The following OBSL1 variants were observed in gnomAD, a reference collection of about 807,000 sequenced individuals.
OBSL1 encodes the protein obscurin like cytoskeletal adaptor 1.
Under a neutral mutation model 172.0 loss-of-function variants are expected in OBSL1, and 160 were observed. That is an observed-to-expected ratio of 0.93 (90% CI 0.82 to 1.06). The LOEUF is 1.06. OBSL1 is among the 50% of genes least tolerant of loss of function. OBSL1 has a pLI of 0.00. For synonymous variants in OBSL1, 1,200 were observed against 1,196.3 expected (o/e 1.00, Z -0.06); for missense variants, 2,681 against 2,715.4 (o/e 0.99, Z 0.28).
Position 219,562,899 on chromosome 2 carries a change from G to A in OBSL1, c.2681-225C>T. 3 of 582,502 alleles carry A rather than the reference G, an allele frequency of 5.2e-6. No individual in the cohort carries two copies. The Admixed American group carries it at 9.1e-5, about 18-fold the overall frequency. 36.1% of individuals were successfully genotyped at this position (582,502 alleles called of 1,614,324 possible). On this transcript the variant is annotated intron_variant, in intron 7 of 20. Transcript: ENST00000404537. ...TGCTGCGCAGGAGCTGCACAGAGGGGACCACGGGGTCAGCCTCGGCTGTAG... is the reference window on the plus strand; with the variant it reads ...TGCTGCGCAGGAGCTGCACAGAGGGAACCACGGGGTCAGCCTCGGCTGTAG...
intron 9 of OBSL1, 113 bp from the exon 10 acceptor site, chr2:219,558,572 C>T: frequency 8.1e-7 from 1 of 1,231,510 alleles, no homozygotes. Context: ...AGAACAGTGC[C>T]AGCTGCAGTC....
Position 219,553,564 on chromosome 2 carries a change from G to A in OBSL1, c.4989+10C>T. 6.2e-7 allele frequency: 1 copy of A among 1,604,130 alleles called. No individual in the cohort carries two copies. The highest frequency in any genetic ancestry group is 2.2e-5 in the East Asian group (1 of 44,768). ...CACTGAAGTGGGCTTGGCTGGGGCT[G>A]GGATCTGACCTTCTCCCAGGTAACA... On this transcript the variant is annotated intron_variant, in intron 16 of 20. Coordinates refer to ENST00000404537, the MANE Select transcript of OBSL1 (RefSeq NM_015311.3).
At chr2:219,555,429 C>G (rs746929986) in intron 14 of OBSL1, 6 of 145,152 alleles carry the variant, frequency 4.1e-5, no homozygotes, top group Non-Finnish European at 8.4e-5. Flanking sequence ...TCCCTAGTAA[C>G]TACCATGCCC....
chr2:219,562,687 G>A lies in OBSL1; in HGVS notation c.2681-13C>T. 6 of 1,533,200 alleles carry A rather than the reference G, an allele frequency of 3.9e-6. No individual in the cohort carries two copies. The highest frequency in any genetic ancestry group is 1.7e-4 in the Middle Eastern group (1 of 5,856). The allele number at this position is 1,533,200 out of a possible 1,614,324, so 95.0% of individuals were successfully genotyped here. On this transcript the variant is annotated splice_polypyrimidine_tract_variant and intron_variant, in intron 7 of 20. Transcript: ENST00000404537. ...CACGAGGAGACGTCTGGAGGACAGG[G>A]ACAGCCACTGCCGGGCATGAGGGGT...
chr2:219,557,217 G>T, intron 12 of OBSL1, 126 bp downstream of exon 12: 1 of 874,392 alleles, frequency 1.1e-6, no homozygotes, highest in Non-Finnish European at 1.6e-6. Context: ...TCCAAGTGAT[G>T]GTCATGCACG....
chr2:219,556,663 T>C lies in OBSL1; in HGVS notation c.4127A>G (p.Asp1376Gly). The C allele has an allele frequency of 1.2e-6, 2 of 1,612,374 alleles. No individual in the cohort carries two copies. Among genetic ancestry groups the C allele is most frequent in the African/African-American group, 1.3e-5 (1 of 74,990 alleles). Residue 1376 changes from aspartate (D) to glycine (G), a missense_variant, in exon 13 of 21, where the codon GAT becomes GGT. Physicochemically the swap from Asp to Gly is moderately conservative, Grantham distance 94. This residue lies in a region of OBSL1 where 1,765 missense variants were observed against 1,748.3 expected (regional missense o/e 1.01). Transcript: ENST00000404537. ...GGAGACTTCACACCGGAACGTGGCA[T>C]CATCGCCCTCGTGGACAGTGAGTGG... Reference protein sequence around the residue: ...LTPLTVHEGDDATFRCEVSPP... With the variant: ...LTPLTVHEGDGATFRCEVSPP...
rs1288235781 is a variant in OBSL1 at position 219,570,505 on chromosome 2, G to T, written c.728C>A (p.Pro243Gln). The change falls in exon 1 of 21, where the codon CCG becomes CAG. Residue 243 changes from proline to glutamine, a missense_variant. Physicochemically the swap from Pro to Gln is moderately conservative, Grantham distance 76 (BLOSUM62 -1). This residue lies in a region of OBSL1 where 706 missense variants were observed against 695.8 expected (regional missense o/e 1.01). Transcript: ENST00000404537. ...CGCGCACTTGAGCGGCTCCACCACC[G>T]GCGCGGGGGCCTCGTCGGGGTCCGC... Reference protein sequence around the residue: ...PPADPDEAPAPVVEPLKCAPK... With the variant: ...PPADPDEAPAQVVEPLKCAPK... 4 of 1,611,362 alleles carry T rather than the reference G, an allele frequency of 2.5e-6. No individual in the cohort carries two copies. The East Asian group carries it at 6.7e-5, about 27-fold the overall frequency.
In OBSL1 at chr2:219,553,040, G is replaced by T. The variant is rs1438683562; in HGVS notation, c.4990-16C>A. ...CGTTCCCGTCCTAGGGGCGGGAGTT[G>T]CAGAGGGTCGGGGCGAGCCCGGCTG... is the stretch of plus-strand genomic sequence containing the variant. On this transcript the variant is annotated splice_polypyrimidine_tract_variant and intron_variant, in intron 16 of 20. Coordinates refer to ENST00000404537, the MANE Select transcript of OBSL1 (RefSeq NM_015311.3). The T allele has an allele frequency of 2.7e-6, 4 of 1,489,252 alleles. No homozygotes were observed. In the East Asian group the frequency reaches 7.9e-5, roughly 29 times the overall value. 92.3% of individuals were successfully genotyped at this position (1,489,252 alleles called of 1,614,324 possible). A position where few individuals can be genotyped will look rare whatever the true frequency, so the allele number is the denominator to read the frequency against.
At chr2:219,558,496 G>A in intron 9 of OBSL1, 37 bp from the exon 10 acceptor site, 1 of 1,509,900 alleles carries the variant, frequency 6.6e-7, no homozygotes, top group Non-Finnish European at 8.9e-7. Context: ...CATAGGCTTG[G>A]CCAGCAGGCC....
In OBSL1 at chr2:219,570,289, C is replaced by T; in HGVS notation, c.944G>A (p.Gly315Glu). 1.2e-6 allele frequency: 2 copies of T among 1,608,760 alleles called. No individual in the cohort carries two copies. Among genetic ancestry groups the T allele is most frequent in the Non-Finnish European group, 1.7e-6 (2 of 1,176,430 alleles). Residue 315 changes from glycine (G) to glutamate (E), a missense_variant, in exon 1 of 21, where the codon GGG becomes GAG. Around this residue, in one of 5 missense-constraint regions of OBSL1, gnomAD observed 706 missense variants for 695.8 expected, o/e 1.01. Transcript: ENST00000404537. ...KVLYCQAKDR[G>E]LYVCAARNSA... The stretch of plus-strand genomic sequence containing the variant: ...GTTGCGCGCGGCGCAGACGTAGAGC[C>T]CACGATCCTTGGCCTGGCAGTAAAG...
At chr2:219,549,040 T>C (rs778441095), downstream of OBSL1, 1 of 1,210,142 alleles carries the variant, frequency 8.3e-7, no homozygotes, top group South Asian at 1.4e-5. Context: ...TAAGGGGTTA[T>C]GGACAAGAGG....
chr2:219,563,687 C>T, intron 6 of OBSL1, 60 bp from the exon 7 acceptor site: 9 of 1,544,716 alleles, frequency 5.8e-6, no homozygotes, highest in Non-Finnish European at 7.9e-6. Flanking sequence ...TCCAAACTAG[C>T]TGTGTGGCCA....
Position 219,562,461 on chromosome 2 carries a change from G to A in OBSL1, c.2894C>T (p.Ser965Phe). Residue 965 changes from serine to phenylalanine, a missense_variant, in exon 8 of 21, where the codon TCC (serine) becomes TTC (phenylalanine). By Grantham distance (155) the Ser-to-Phe change is radical. This residue lies in a region of OBSL1 where 1,765 missense variants were observed against 1,748.3 expected (regional missense o/e 1.01). Transcript: ENST00000404537. ...GTCAATTTCACACAAGTACTCGCCG[G>A]AGTCCTCGAGCTGGACAGCGGGCAG... ...LVLPAVQLED[S>F]GEYLCEIDDE... is the part of the protein sequence containing the mutation. The A allele has an allele frequency of 6.2e-7, 1 of 1,614,004 alleles. No homozygotes were observed. Among genetic ancestry groups the A allele is most frequent in the Non-Finnish European group, 8.5e-7 (1 of 1,179,894 alleles).
In OBSL1 at chr2:219,553,662, C is replaced by T. The variant is rs1287415796; in HGVS notation, c.4901G>A (p.Gly1634Glu). 6.2e-7 allele frequency: 1 copy of T among 1,613,406 alleles called. No homozygotes were observed. The highest frequency in any genetic ancestry group is 8.5e-7 in the Non-Finnish European group (1 of 1,179,726). The change falls in exon 16 of 21, where the codon GGG becomes GAG. Residue 1634 changes from glycine (G) to glutamate (E), a missense_variant. Gly to Glu is a moderately conservative substitution (Grantham distance 98). Transcript: ENST00000404537. ...CTCGGTCACCTCTAGGTCGTGTGGC[C>T]CCCGCACGATGGTCACTGGGACCTC... is the stretch of plus-strand genomic sequence containing the variant. ...VREVPVTIVR[G>E]PHDLEVTEGD...
Position 219,571,168 on chromosome 2 carries a change from C to T in OBSL1, c.65G>A (p.Arg22Gln). 1.3e-6 allele frequency: 2 copies of T among 1,481,892 alleles called. No homozygotes were observed. The highest frequency in any genetic ancestry group is 1.8e-6 in the Non-Finnish European group (2 of 1,119,348). 91.8% of individuals were successfully genotyped at this position (1,481,892 alleles called of 1,614,324 possible). A position where few individuals can be genotyped will look rare whatever the true frequency, so the allele number is the denominator to read the frequency against. The change falls in exon 1 of 21, where the codon CGG (arginine) becomes CAG (glutamine). Residue 22 changes from arginine (R) to glutamine (Q), a missense_variant. Coordinates refer to ENST00000404537, the MANE Select transcript of OBSL1 (RefSeq NM_015311.3). ...CTCGGCCTCGGCGCCACTTACCACC[C>T]GCACAGGCCGCGGGAAGCGCAGGAA... ...PCFLRFPRPV[R>Q]VVSGAEAELK... is the part of the protein sequence containing the mutation.
intron 12 of OBSL1, 60 bp from the exon 13 acceptor site, chr2:219,556,783 C>T: frequency 6.7e-7 from 1 of 1,494,952 alleles, no homozygotes; most frequent in Admixed American, 2.1e-5. Flanking sequence ...TCCTTTTCAT[C>T]CCCTCCTCAG....
At chr2:219,563,289 G>T in intron 7 of OBSL1, 66 bp downstream of exon 7, 3 of 1,447,786 alleles carry the variant, frequency 2.1e-6, no homozygotes, top group Non-Finnish European at 2.8e-6. Flanking sequence ...GTGAAGGTGT[G>T]GCAGCTGTTC....
Position 219,558,302 on chromosome 2 carries a change from C to G in OBSL1, c.3384G>C (p.Gln1128His). 1 of 1,612,362 alleles carries G rather than the reference C, an allele frequency of 6.2e-7. No individual in the cohort carries two copies. The change falls in exon 10 of 21, where the codon CAG becomes CAC. Residue 1128 changes from glutamine to histidine, a missense_variant. Gln to His is a conservative substitution (Grantham distance 24). This residue lies in a region of OBSL1 where 1,765 missense variants were observed against 1,748.3 expected (regional missense o/e 1.01). Transcript: ENST00000404537. ...TGCGGGTGGGCCCCTCGGCACCCAG[C>G]TGCAGGGCATCTGATGCCTCCACTT... ...GLEVEASDAL[Q>H]LGAEGPTRTL...
At chr2:219,552,327 C>G in intron 18 of OBSL1, 111 bp from the exon 19 acceptor site, 5 of 1,048,774 alleles carry the variant, frequency 4.8e-6, no homozygotes, top group Non-Finnish European at 7.0e-6. Flanking sequence ...TTAGTGTATG[C>G]TAGGGTGGGC....
Sources: gnomAD v4.1 joint callset for allele counts on GRCh38, gnomAD v4.1.1 for gene constraint, gnomAD v4.1.1 regional missense constraint, MANE v1.5 for transcripts, NCBI Gene and HGNC (gene_info 2026-07-23, HGNC 2026-07-21) for gene names.